UBR7: variants seen among roughly 807,000 people sequenced by gnomAD.
UBR7 encodes ubiquitin protein ligase E3 component n-recognin 7, also known as putative E3 ubiquitin-protein ligase UBR7.
Under a neutral mutation model 57.0 loss-of-function variants are expected in UBR7, and 22 were observed. The observed-to-expected ratio is 0.39, with a 90% CI of 0.28 to 0.55. UBR7 has a LOEUF of 0.55. Among genes scored for constraint, UBR7 ranks in the 20% least tolerant of loss-of-function variants. The pLI, the probability that UBR7 is intolerant of heterozygous loss-of-function variation, is 0.69. For missense variants in UBR7, 395 were observed against 513.2 expected, an observed-to-expected ratio of 0.77 and a Z score of 2.23; for synonymous variants, 167 against 179.8, an observed-to-expected ratio of 0.93 and a Z score of 0.57.
chr14:93,216,196 A>T (rs907900462), intron 6 of UBR7, among the ~76,000 whole-genome samples: 2 of 152,110 alleles, frequency 1.3e-5, no homozygotes, highest in Admixed American at 6.6e-5. Flanking sequence ...ACAGGCACAC[A>T]CTACCATGCC....
Position 93,228,677 on chromosome 14 carries a change from G to A in UBR7, c.*1642G>A, listed in dbSNP as rs1255888195. The stretch of plus-strand genomic sequence containing the variant: ...AGGGCTCCGTTCAAAGGCTCGGGGT[G>A]TCTTTGAGGTTGTTTATCAAGCTGG... On this transcript the variant is annotated 3_prime_UTR_variant, in exon 11 of 11. Transcript: ENST00000013070. 3 of 453,980 alleles carry A rather than the reference G, an allele frequency of 6.6e-6. No individual in the cohort carries two copies. The highest frequency in any genetic ancestry group is 4.7e-5 in the Admixed American group (2 of 42,562). 28.1% of individuals were successfully genotyped at this position (453,980 alleles called of 1,614,324 possible).
intron 4 of UBR7, among the ~76,000 whole-genome samples, chr14:93,214,523 GTTC>G (rs1327473823): frequency 6.6e-6 from 1 of 152,166 alleles, no homozygotes; most frequent in African/African-American, 2.4e-5. Flanking sequence ...TGGCAGGATG[GTTC>G]TTCTGCAGCA....
In UBR7 at chr14:93,219,225, A is replaced by G. The variant is rs1451694856; in HGVS notation, c.824A>G (p.Asn275Ser). The G allele has an allele frequency of 1.9e-6, 3 of 1,614,094 alleles. No homozygotes were observed. In the African/African-American group the frequency reaches 4.0e-5, roughly 22 times the overall value. ...SESDLQTVFK[N>S]ESLNAESKSG... Reference sequence around the variant, plus strand: ...ATTTTATTTCAGACAGTGTTTAAGAATGAAAGCCTCAACGCAGAATCAAAA... The same window carrying G: ...ATTTTATTTCAGACAGTGTTTAAGAGTGAAAGCCTCAACGCAGAATCAAAA... The change falls in exon 8 of 11, where the codon AAT (asparagine) becomes AGT (serine). Residue 275 changes from asparagine (N) to serine (S), a missense_variant. Transcript: ENST00000013070.
chr14:93,222,199 A>C, intron 9 of UBR7, 114 bp from the exon 10 acceptor site: 1 of 764,754 alleles, frequency 1.3e-6, no homozygotes, highest in East Asian at 2.7e-5. Flanking sequence ...CACTTAAGAA[A>C]ATTTTTATTT....
At chr14:93,211,862 A>T (rs1449825158) in intron 3 of UBR7, among the ~76,000 whole-genome samples, 170 bp from the exon 4 acceptor site, 4 of 152,116 alleles carry the variant, frequency 2.6e-5, no homozygotes, top group African/African-American at 9.7e-5. Flanking sequence ...GTGTCCTGAA[A>T]AAAGTATCCC....
chr14:93,218,401 ACT>A lies in UBR7; in HGVS notation c.602-123_602-122del, dbSNP rs1244019617. The A allele has an allele frequency of 7.1e-6, 6 of 841,880 alleles. No individual in the cohort carries two copies. The East Asian group carries it at 8.0e-5, about 11-fold the overall frequency. 52.2% of individuals were successfully genotyped at this position (841,880 alleles called of 1,614,324 possible). A position where few individuals can be genotyped will look rare whatever the true frequency, so the allele number is the denominator to read the frequency against. On this transcript the variant is annotated intron_variant, in intron 6 of 10. Transcript: ENST00000013070. Reference sequence around the variant, plus strand: ...ACTCCAGTGTGGACGACAGAGTGAGACTCTGTCTGTAAAAAAAAAAAATAATA... The same window carrying A: ...ACTCCAGTGTGGACGACAGAGTGAGACTGTCTGTAAAAAAAAAAAATAATA...
chr14:93,221,173 C>T (rs915573300), intron 9 of UBR7, among the ~76,000 whole-genome samples: 5 of 150,884 alleles, frequency 3.3e-5, no homozygotes, highest in Non-Finnish European at 7.4e-5. Context: ...TGCAGTGGCG[C>T]GATCTCGGCT....
At chr14:93,224,079 T>C in intron 10 of UBR7, 1 of 1,031,706 alleles carries the variant, frequency 9.7e-7, no homozygotes, top group Non-Finnish European at 1.5e-6. Context: ...GTGTGGCATT[T>C]GGGGGTGGGC....
intron 10 of UBR7, 134 bp from the exon 11 acceptor site, chr14:93,226,809 A>T (rs1386891140): frequency 2.5e-5 from 12 of 481,742 alleles, no homozygotes; most frequent in Non-Finnish European, 4.0e-5. Context: ...AAAAAAAAAA[A>T]AAAATAGAAA....
chr14:93,214,415 A>G (rs1417515370), intron 4 of UBR7, among the ~76,000 whole-genome samples: 1 of 152,224 alleles, frequency 6.6e-6, no homozygotes, highest in Admixed American at 6.5e-5. Context: ...GTCCTTTGGT[A>G]TATTATTTTC....
rs770343122 is a variant in UBR7 at position 93,219,267 on chromosome 14, A to G, written c.866A>G (p.Gln289Arg). The G allele has an allele frequency of 5.0e-6, 8 of 1,614,232 alleles. No individual in the cohort carries two copies. The highest frequency in any genetic ancestry group is 6.8e-6 in the Non-Finnish European group (8 of 1,180,048). The change falls in exon 8 of 11, where the codon CAG becomes CGG. Residue 289 changes from glutamine (Q) to arginine (R), a missense_variant. Physicochemically the swap from Gln to Arg is conservative, Grantham distance 43. Coordinates refer to ENST00000013070, the MANE Select transcript of UBR7 (RefSeq NM_175748.4). ...NAESKSGCKLQELKAKQLIKK... is the reference protein window; with the variant it reads ...NAESKSGCKLRELKAKQLIKK... ...GAATCAAAATCTGGCTGCAAACTTC[A>G]GGAGCTTAAAGCTAAGCAGCTTATA...
At position 93,220,407 on chromosome 14, in the gene UBR7, T is replaced by C; in HGVS notation, c.1119T>C (p.Ile373=). Residue 373 remains isoleucine (I), a synonymous_variant, in exon 9 of 11, where the codon ATT becomes ATC. Transcript: ENST00000013070. ...ATAGAGTCCAGCAAGTGGAACTCAT[T>C]TGTGGTAAATACTGTGTGTGTGTGA... is the stretch of plus-strand genomic sequence containing the variant. ...SMNRVQQVEL[I]CEYNDLKTEL... The C allele has an allele frequency of 1.9e-6, 3 of 1,614,014 alleles. No homozygotes were observed. Among genetic ancestry groups the C allele is most frequent in the Non-Finnish European group, 2.5e-6 (3 of 1,179,980 alleles).
chr14:93,212,057 A>G lies in UBR7; in HGVS notation c.371A>G (p.Asn124Ser). ...GACAAAGCAAAGGTAAATTCTGGCA[A>G]TAAGTACAATGACAACTTTTTTGGA... ...LPDKAKVNSG[N>S]KYNDNFFGLY... Residue 124 changes from asparagine to serine, a missense_variant, in exon 4 of 11, where the codon AAT becomes AGT. Asn to Ser is a conservative substitution (Grantham distance 46, BLOSUM62 1). Coordinates refer to ENST00000013070, the MANE Select transcript of UBR7 (RefSeq NM_175748.4). 1 of 1,613,060 alleles carries G rather than the reference A, an allele frequency of 6.2e-7. No individual in the cohort carries two copies. Among genetic ancestry groups the G allele is most frequent in the Non-Finnish European group, 8.5e-7 (1 of 1,179,414 alleles).
intron 6 of UBR7, among the ~76,000 whole-genome samples, chr14:93,218,011 C>G (rs1595267826): frequency 6.6e-6 from 1 of 150,710 alleles, no homozygotes; most frequent in East Asian, 2.0e-4. Context: ...GGAGAATTGC[C>G]TGAACCCAGG....
rs1182604906 is a variant in UBR7 at position 93,219,450 on chromosome 14, T to C, written c.960+89T>C. On this transcript the variant is annotated intron_variant, in intron 8 of 10. Coordinates refer to ENST00000013070, the MANE Select transcript of UBR7 (RefSeq NM_175748.4). Reference sequence around the variant, plus strand: ...ACCTGGGGAAAACATTCAATTTTTGTACCAGAGGAAGAAAGGAAAATAAAA... The same window carrying C: ...ACCTGGGGAAAACATTCAATTTTTGCACCAGAGGAAGAAAGGAAAATAAAA... 6 of 1,531,074 alleles carry C rather than the reference T, an allele frequency of 3.9e-6. No individual in the cohort carries two copies. In the African/African-American group the frequency reaches 8.2e-5, roughly 21 times the overall value. The allele number at this position is 1,531,074 out of a possible 1,614,324, so 94.8% of individuals were successfully genotyped here. A position where few individuals can be genotyped will look rare whatever the true frequency, so the allele number is the denominator to read the frequency against.
chr14:93,225,624 C>G (rs767049199), intron 10 of UBR7, among the ~76,000 whole-genome samples: 12 of 152,058 alleles, frequency 7.9e-5, no homozygotes, highest in Non-Finnish European at 1.3e-4. Flanking sequence ...CAGAGCGAGA[C>G]CCTGTCTCTA....
intron 6 of UBR7, among the ~76,000 whole-genome samples, chr14:93,217,932 C>T (rs1387608812): frequency 1.3e-5 from 2 of 151,114 alleles, no homozygotes; most frequent in Non-Finnish European, 2.9e-5. Flanking sequence ...CCCATCTCTA[C>T]TAAAAATAAA....
intron 10 of UBR7, among the ~76,000 whole-genome samples, chr14:93,225,024 A>G (rs949203660): frequency 6.6e-6 from 1 of 152,210 alleles, no homozygotes; most frequent in East Asian, 1.9e-4. Context: ...AGGTCTTCAC[A>G]GGTATCTTCA....
Position 93,207,375 on chromosome 14 carries a change from G to T in UBR7, c.84G>T (p.Glu28Asp). ...VSLVDVLEED[E>D]ELENEACAVL... is the part of the protein sequence containing the mutation. ...TGGTCGACGTCCTTGAGGAGGACGAGGAGCTGGAGAATGAGGCGTGCGCTG... is the reference window on the plus strand; with the variant it reads ...TGGTCGACGTCCTTGAGGAGGACGATGAGCTGGAGAATGAGGCGTGCGCTG... Residue 28 changes from glutamate (E) to aspartate (D), a missense_variant, in exon 1 of 11, where the codon GAG becomes GAT. Transcript: ENST00000013070. The T allele has an allele frequency of 5.1e-6, 8 of 1,557,000 alleles. No individual in the cohort carries two copies. The highest frequency in any genetic ancestry group is 7.0e-6 in the Non-Finnish European group (8 of 1,150,992).
Sources: allele counts gnomAD v4.1 joint callset (sites outside exome capture counted in the v4.1 genomes callset), GRCh38; gene constraint gnomAD v4.1.1; transcripts MANE v1.5; gene names NCBI Gene and HGNC (gene_info 2026-07-23, HGNC 2026-07-21).